BICD1: variants seen among roughly 807,000 people sequenced by gnomAD.
BICD1 encodes the protein BICD cargo adaptor 1, also known as protein bicaudal D homolog 1.
In BICD1, 35 loss-of-function variants were observed where a neutral mutation model predicts 92.5. The observed-to-expected ratio is 0.38, with a 90% CI of 0.29 to 0.50. The LOEUF (loss-of-function observed/expected upper bound fraction) is 0.50. Ranked by LOEUF, BICD1 falls within the 20% of genes least tolerant of loss-of-function variation. The pLI, the probability that BICD1 is intolerant of heterozygous loss-of-function variation, is 0.93. For synonymous variants in BICD1, 429 were observed against 465.1 expected (o/e 0.92, Z 1.00); for missense variants, 950 against 1,189.8 (o/e 0.80, Z 2.97).
chr12:32,292,610 A>C (rs117613085), intron 2 of BICD1, among the ~76,000 whole-genome samples: 1 of 152,196 alleles, frequency 6.6e-6, no homozygotes, highest in African/African-American at 2.4e-5. Context: ...AGCAGTTTCT[A>C]TTCATTGTCA....
At position 32,313,155 on chromosome 12, in the gene BICD1, TGTA is replaced by T. The variant is rs1565663099; in HGVS notation, c.1005+7037_1005+7039del. On this transcript the variant is annotated intron_variant, in intron 4 of 9. Transcript: ENST00000652176. The surrounding 1 kb of genome is among the most constrained non-coding windows in gnomAD (Gnocchi z 4.2). ...ATTATGCTGGGTATATAATTTCACA[TGTA>T]GTATGAGAAAACAGTAATGTTTCTG... Among the ~76,000 whole-genome samples the T allele has an allele frequency of 6.6e-6, 1 of 152,048 alleles. No homozygotes were observed. Among genetic ancestry groups the T allele is most frequent in the Non-Finnish European group, 1.5e-5 (1 of 68,002 alleles).
chr12:32,155,977 G>T (rs1356868932), intron 1 of BICD1, among the ~76,000 whole-genome samples: 1 of 152,180 alleles, frequency 6.6e-6, no homozygotes, highest in Admixed American at 6.5e-5. Context: ...ATGTTGCATG[G>T]TGATTTATAG....
intron 8 of BICD1, chr12:32,340,248 G>A: frequency 3.0e-6 from 3 of 985,322 alleles, no homozygotes; most frequent in Non-Finnish European, 3.6e-6. Flanking sequence ...AGGTGTTTGA[G>A]GAAATTGGTA....
chr12:32,110,298 T>G (rs745363246), intron 1 of BICD1, among the ~76,000 whole-genome samples: 10 of 152,232 alleles, frequency 6.6e-5, no homozygotes, highest in Non-Finnish European at 1.0e-4. Context: ...CCTAGTTATT[T>G]CTTCCCTCAA....
At chr12:32,135,734 C>G (rs1409628188) in intron 1 of BICD1, among the ~76,000 whole-genome samples, 2 of 152,078 alleles carry the variant, frequency 1.3e-5, no homozygotes, top group Admixed American at 1.3e-4. Context: ...CACCAGAGTC[C>G]CCACCATTCC....
At chr12:32,246,029 CAAAAAAAA>C (rs71068311) in intron 2 of BICD1, among the ~76,000 whole-genome samples, 3 of 44,094 alleles carry the variant, frequency 6.8e-5, no homozygotes, top group East Asian at 9.8e-4. Context: ...TACTCTGTCT[CAAAAAAAA>C]AAAAAAAAAA....
chr12:32,225,440 G>A (rs750795734), intron 2 of BICD1, among the ~76,000 whole-genome samples: 5 of 151,914 alleles, frequency 3.3e-5, no homozygotes, highest in Admixed American at 6.6e-5. Flanking sequence ...TTACGTTTTC[G>A]TGAAGTTTTC....
At chr12:32,199,687 C>T (rs907999787) in intron 1 of BICD1, among the ~76,000 whole-genome samples, 2 of 152,176 alleles carry the variant, frequency 1.3e-5, no homozygotes, top group African/African-American at 4.8e-5. Context: ...TGAAGACCTT[C>T]CTCTGGAGCC....
At chr12:32,350,687 T>A (rs1445206776) in intron 8 of BICD1, among the ~76,000 whole-genome samples, 1 of 152,170 alleles carries the variant, frequency 6.6e-6, no homozygotes, top group African/African-American at 2.4e-5. Flanking sequence ...CACACACCCA[T>A]CTCTTTAGTC....
At chr12:32,137,030 A>T (rs1408158284) in intron 1 of BICD1, among the ~76,000 whole-genome samples, 1 of 152,028 alleles carries the variant, frequency 6.6e-6, no homozygotes, top group African/African-American at 2.4e-5. Flanking sequence ...GTTTAGCATG[A>T]CTCTAGTTTT....
intron 2 of BICD1, among the ~76,000 whole-genome samples, chr12:32,273,593 G>T (rs931231461): frequency 6.6e-6 from 1 of 152,190 alleles, no homozygotes; most frequent in African/African-American, 2.4e-5. Flanking sequence ...CACGTACCAA[G>T]CGGTGTCTAA....
chr12:32,136,604 A>G (rs1942744565), intron 1 of BICD1, among the ~76,000 whole-genome samples: 1 of 152,244 alleles, frequency 6.6e-6, no homozygotes, highest in Admixed American at 6.5e-5. Context: ...GGAAATGGAC[A>G]GGTCCTGTCC....
intron 3 of BICD1, among the ~76,000 whole-genome samples, chr12:32,298,122 G>A (rs548412367): frequency 6.6e-6 from 1 of 151,014 alleles, no homozygotes; most frequent in South Asian, 2.1e-4. Context: ...GGCTGAGGCT[G>A]CAGTGAGCTG....
chr12:32,263,037 C>T (rs1946897442), intron 2 of BICD1, among the ~76,000 whole-genome samples: 1 of 149,914 alleles, frequency 6.7e-6, no homozygotes, highest in African/African-American at 2.4e-5. Context: ...CCAGCTACTT[C>T]GGAGAGAGGA....
intron 2 of BICD1, among the ~76,000 whole-genome samples, chr12:32,249,842 T>C (rs1375713715): frequency 6.6e-6 from 1 of 151,988 alleles, no homozygotes; most frequent in Admixed American, 6.6e-5. Context: ...TATTGCAGCA[T>C]GACTTTGGTT....
At chr12:32,233,353 A>G (rs1592525185) in intron 2 of BICD1, among the ~76,000 whole-genome samples, 1 of 149,912 alleles carries the variant, frequency 6.7e-6, no homozygotes, top group South Asian at 2.1e-4. Flanking sequence ...AGGCTTACAC[A>G]TATTCCCTTT....
intron 2 of BICD1, among the ~76,000 whole-genome samples, chr12:32,238,052 C>T (rs918016989): frequency 1.3e-5 from 2 of 152,172 alleles, no homozygotes; most frequent in Non-Finnish European, 2.9e-5. Flanking sequence ...AAATTATCAA[C>T]ATGAACAGGA....
At chr12:32,133,466 C>T (rs1010083552) in intron 1 of BICD1, among the ~76,000 whole-genome samples, 2 of 149,936 alleles carry the variant, frequency 1.3e-5, no homozygotes, top group Admixed American at 6.7e-5. Flanking sequence ...CCAGCCTGGG[C>T]GACAGAACAA....
At chr12:32,214,502 A>G (rs1035807361) in intron 1 of BICD1, among the ~76,000 whole-genome samples, 2 of 152,056 alleles carry the variant, frequency 1.3e-5, no homozygotes, top group Non-Finnish European at 2.9e-5. Flanking sequence ...ATTCAATACC[A>G]CTAGTTTCCT....
Sources: gnomAD v4.1 joint callset for allele counts (sites outside exome capture counted in the v4.1 genomes callset) on GRCh38, gnomAD v4.1.1 for gene constraint, Gnocchi (gnomAD v3.1) non-coding constraint, MANE v1.5 for transcripts, NCBI Gene and HGNC (gene_info 2026-07-23, HGNC 2026-07-21) for gene names.